The following SGK3 variants were observed in gnomAD, a reference collection of about 807,000 sequenced individuals.
SGK3 encodes the protein serum/glucocorticoid regulated kinase family member 3.
SGK3 carries 47 observed loss-of-function variants against 68.5 expected under a neutral mutation model. The ratio of observed to expected loss-of-function variants is 0.69; its 90% CI spans 0.54 to 0.87. The LOEUF (loss-of-function observed/expected upper bound fraction) is 0.87, where lower values mean the gene tolerates loss of function less well. Among genes scored for constraint, SGK3 ranks in the 40% least tolerant of loss-of-function variants. The probability of loss-of-function intolerance (pLI) is 0.00; values close to 1 mark genes in which losing one functional copy is unlikely to be tolerated. For missense variants in SGK3, 479 were observed against 575.5 expected (o/e 0.83, Z 1.72); for synonymous variants, 181 against 189.1 (o/e 0.96, Z 0.35).
At chr8:66,834,939 CAA>C (rs1330585850) in intron 8 of SGK3, among the ~76,000 whole-genome samples, 13 of 60,806 alleles carry the variant, frequency 2.1e-4, no homozygotes, top group Admixed American at 3.7e-4. Context: ...GACTCTGTCT[CAA>C]AAAAAAAAAA....
At chr8:66,717,694 T>A (rs961852249) in intron 1 of SGK3, among the ~76,000 whole-genome samples, 3 of 152,104 alleles carry the variant, frequency 2.0e-5, no homozygotes, top group Non-Finnish European at 4.4e-5. Flanking sequence ...GTTCTGTTTT[T>A]AATTAATTAT....
intron 1 of SGK3, among the ~76,000 whole-genome samples, chr8:66,740,869 T>A (rs1296502859): frequency 1.5e-5 from 2 of 136,736 alleles, no homozygotes; most frequent in Non-Finnish European, 3.0e-5. Flanking sequence ...ATTGCGCCAC[T>A]GCACTCCAGC....
At chr8:66,809,690 A>G (rs765470821) in intron 4 of SGK3, among the ~76,000 whole-genome samples, 1 of 152,266 alleles carries the variant, frequency 6.6e-6, no homozygotes, top group Non-Finnish European at 1.5e-5. Flanking sequence ...GTTGGAAAAT[A>G]CTTCATAGCA....
At chr8:66,770,605 C>T (rs1806477741) in intron 1 of SGK3, among the ~76,000 whole-genome samples, 1 of 152,114 alleles carries the variant, frequency 6.6e-6, no homozygotes, top group Admixed American at 6.6e-5. Flanking sequence ...GAGTTGGGAA[C>T]GTTTGTAGTC....
At chr8:66,795,805 T>C (rs373227776) in intron 2 of SGK3, among the ~76,000 whole-genome samples, 3 of 152,094 alleles carry the variant, frequency 2.0e-5, no homozygotes, top group East Asian at 3.9e-4. Flanking sequence ...CTATAAAAAA[T>C]AGCACCTTCA....
chr8:66,733,874 G>C (rs1215714381), intron 1 of SGK3, among the ~76,000 whole-genome samples: 3 of 152,140 alleles, frequency 2.0e-5, no homozygotes, highest in African/African-American at 7.2e-5. Flanking sequence ...AAAACAAAGG[G>C]TTTCTTTGCA....
At chr8:66,738,336 T>C (rs934535071) in intron 1 of SGK3, among the ~76,000 whole-genome samples, 5 of 152,240 alleles carry the variant, frequency 3.3e-5, no homozygotes, top group Non-Finnish European at 7.3e-5. Flanking sequence ...TACTTAATTG[T>C]GACACCCCCC....
intron 5 of SGK3, among the ~76,000 whole-genome samples, chr8:66,821,678 A>AT (rs59399048): frequency 0.93 from 100,549 of 108,534 alleles, 46,873 homozygotes; most frequent in Non-Finnish European, 0.97. Context: ...ACGCCCGGCT[A>AT]TTTTTTTTTT....
chr8:66,793,366 C>T (rs1434191684), intron 1 of SGK3, among the ~76,000 whole-genome samples: 2 of 152,058 alleles, frequency 1.3e-5, no homozygotes, highest in African/African-American at 4.8e-5. Flanking sequence ...AGAGTTAGTC[C>T]CTAGCCTACG....
intron 1 of SGK3, among the ~76,000 whole-genome samples, chr8:66,724,173 G>A (rs1239574672): frequency 6.6e-6 from 1 of 152,082 alleles, no homozygotes; most frequent in Non-Finnish European, 1.5e-5. Flanking sequence ...AGGGTCTAGT[G>A]AGGATCCTGT....
At chr8:66,822,221 T>C (rs1210567437) in intron 5 of SGK3, 151 bp from the exon 6 acceptor site, 1 of 583,786 alleles carries the variant, frequency 1.7e-6, no homozygotes, top group Admixed American at 4.3e-5. Flanking sequence ...ATTTGCGTAT[T>C]ACATTTATAA....
At chr8:66,717,592 T>C (rs1804674575) in intron 1 of SGK3, among the ~76,000 whole-genome samples, 1 of 152,204 alleles carries the variant, frequency 6.6e-6, no homozygotes, top group Admixed American at 6.6e-5. Context: ...TAGGACTCAC[T>C]GATTAGCCAG....
At chr8:66,842,157 ATTCT>A (rs2130727299) in intron 13 of SGK3, among the ~76,000 whole-genome samples, 1 of 150,532 alleles carries the variant, frequency 6.6e-6, no homozygotes, top group Admixed American at 6.6e-5. Flanking sequence ...ATGAAGAAAC[ATTCT>A]TTGTTATTGT....
chr8:66,759,886 C>G lies in SGK3; in HGVS notation c.-121-33730C>G, dbSNP rs182660651. Among the ~76,000 whole-genome samples, 504 of 152,160 alleles carry G rather than the reference C, an allele frequency of 3.3e-3. 5 individuals carry two copies. The highest frequency in any genetic ancestry group is 0.012 in the African/African-American group (489 of 41,508). ...AGGCATGAGCCACCACGCCCAGCCC[C>G]TCTTCTGTCTCTTAAAAGGACCCTT... On this transcript the variant is annotated intron_variant, in intron 1 of 16. Transcript: ENST00000521198.
chr8:66,778,594 C>T (rs956276869), intron 1 of SGK3, among the ~76,000 whole-genome samples: 1 of 152,246 alleles, frequency 6.6e-6, no homozygotes, highest in African/African-American at 2.4e-5. Flanking sequence ...CGTGCCCAGC[C>T]ACTTAACTGT....
chr8:66,843,482 C>T lies in SGK3; in HGVS notation c.1009C>T (p.Pro337Ser). 6.2e-7 allele frequency: 1 copy of T among 1,613,730 alleles called. No homozygotes were observed. Among genetic ancestry groups the T allele is most frequent in the South Asian group, 1.1e-5 (1 of 91,050 alleles). Residue 337 changes from proline (P) to serine (S), a missense_variant, in exon 14 of 17, where the codon CCC (proline) becomes TCC (serine). Physicochemically the swap from Pro to Ser is moderately conservative, Grantham distance 74 (BLOSUM62 -1). Coordinates refer to ENST00000521198, the MANE Select transcript of SGK3 (RefSeq NM_001033578.3). The stretch of plus-strand genomic sequence containing the variant: ...TGCACCTGAAGTAATTAGAAAACAG[C>T]CCTATGACAATACTGTAGATTGGTG... ...YLAPEVIRKQ[P>S]YDNTVDWWCL...
chr8:66,847,487 CCA>C, intron 15 of SGK3, 139 bp downstream of exon 15: 3 of 1,324,254 alleles, frequency 2.3e-6, no homozygotes, highest in Non-Finnish European at 3.1e-6. Context: ...ATACTTGTCT[CCA>C]CAGTTTTCAC....
chr8:66,852,328 CT>C (rs1468959143), intron 16 of SGK3, among the ~76,000 whole-genome samples: 4 of 123,294 alleles, frequency 3.2e-5, no homozygotes, highest in Non-Finnish European at 6.3e-5. Flanking sequence ...TGTCGCCAGT[CT>C]GGAGTGCAGT....
chr8:66,775,943 G>A (rs1426052898), intron 1 of SGK3, among the ~76,000 whole-genome samples: 2 of 151,808 alleles, frequency 1.3e-5, no homozygotes, highest in Non-Finnish European at 2.9e-5. Flanking sequence ...TGTAAAATGG[G>A]GATAATGATA....
Sources: allele counts gnomAD v4.1 joint callset (sites outside exome capture counted in the v4.1 genomes callset), GRCh38; gene constraint gnomAD v4.1.1; transcripts MANE v1.5; gene names NCBI Gene and HGNC (gene_info 2026-07-23, HGNC 2026-07-21).